The following ZNF704 variants were observed in gnomAD, a reference collection of about 807,000 sequenced individuals.
ZNF704 encodes glucocorticoid induced gene 1.
A neutral mutation model predicts 44.7 loss-of-function variants in ZNF704; 10 were observed. That is an observed-to-expected ratio of 0.22 (90% CI 0.14 to 0.38). The LOEUF is 0.38. Among genes scored for constraint, ZNF704 ranks in the 10% least tolerant of loss-of-function variants. ZNF704 has a pLI of 1.00. For missense variants in ZNF704, 390 were observed against 545.5 expected (o/e 0.71, Z 2.84); for synonymous variants, 211 against 207.6 (o/e 1.02, Z -0.14).
chr8:80,670,945 T>A (rs1194744465), intron 4 of ZNF704, among the ~76,000 whole-genome samples: 1 of 152,168 alleles, frequency 6.6e-6, no homozygotes, highest in Non-Finnish European at 1.5e-5. Flanking sequence ...TCTCCTTTAA[T>A]CCTAAAAGAC....
At chr8:80,803,075 T>C (rs1165869084) in intron 2 of ZNF704, among the ~76,000 whole-genome samples, 1 of 152,132 alleles carries the variant, frequency 6.6e-6, no homozygotes, top group East Asian at 1.9e-4. Flanking sequence ...AAATCATGAA[T>C]GAACTCTCAT....
intron 2 of ZNF704, among the ~76,000 whole-genome samples, chr8:80,759,260 A>T (rs1807088392): frequency 6.6e-6 from 1 of 150,560 alleles, no homozygotes; most frequent in African/African-American, 2.4e-5. Context: ...ATTATAGTTA[A>T]GCCTGAGCTT....
At chr8:80,873,652 G>T in intron 1 of ZNF704, 3 of 154,048 alleles carry the variant, frequency 1.9e-5, no homozygotes, top group South Asian at 4.0e-4. Context: ...CCACCTCGAC[G>T]ACCACCTCCT....
At chr8:80,648,867 A>G (rs1817871599) in intron 7 of ZNF704, among the ~76,000 whole-genome samples, 1 of 152,190 alleles carries the variant, frequency 6.6e-6, no homozygotes. Flanking sequence ...ACTTGAACAC[A>G]GCTGGCCTTG....
At chr8:80,698,870 CCTT>C (rs1169309500) in intron 2 of ZNF704, among the ~76,000 whole-genome samples, 1 of 152,164 alleles carries the variant, frequency 6.6e-6, no homozygotes, top group African/African-American at 2.4e-5. Context: ...GAAGCCTTTT[CCTT>C]CTTTTGAGCC....
chr8:80,855,113 G>A lies in ZNF704; in HGVS notation c.-22+19458C>T, dbSNP rs141314994. Among the ~76,000 whole-genome samples the A allele has an allele frequency of 6.5e-3, 993 of 152,172 alleles. 10 individuals are homozygous for A. The highest frequency in any genetic ancestry group is 0.022 in the African/African-American group (929 of 41,516). Reference sequence around the variant, plus strand: ...AAATTGAATGTTCCAAAAGAACCACGCCTTTCTTGTTCAATAGTATATCGT... The same window carrying A: ...AAATTGAATGTTCCAAAAGAACCACACCTTTCTTGTTCAATAGTATATCGT... On this transcript the variant is annotated intron_variant, in intron 1 of 8. Coordinates refer to ENST00000327835, the MANE Select transcript of ZNF704 (RefSeq NM_001033723.3).
intron 2 of ZNF704, among the ~76,000 whole-genome samples, chr8:80,712,926 G>C (rs1819010246): frequency 6.6e-6 from 1 of 151,464 alleles, no homozygotes; most frequent in African/African-American, 2.4e-5. Context: ...ACAGAATTTT[G>C]CTCTTGTTAC....
At position 80,756,216 on chromosome 8, in the gene ZNF704, T is replaced by C. The variant is rs1022331021; in HGVS notation, c.222-63109A>G. On this transcript the variant is annotated intron_variant, in intron 2 of 8. Coordinates refer to ENST00000327835, the MANE Select transcript of ZNF704 (RefSeq NM_001033723.3). ...TCTTTTAGATATCAAGACAGACATA[T>C]CCAAGAGCAGTATCTCACTCCCTCT... is the stretch of plus-strand genomic sequence containing the variant. Among the ~76,000 whole-genome samples, 3 of 152,190 alleles carry C rather than the reference T, an allele frequency of 2.0e-5. No homozygotes were observed. In the East Asian group the frequency reaches 5.8e-4, roughly 29 times the overall value.
Position 80,856,521 on chromosome 8 carries a change from A to G in ZNF704, c.-22+18050T>C, listed in dbSNP as rs554755192. On this transcript the variant is annotated intron_variant, in intron 1 of 8. Coordinates refer to ENST00000327835, the MANE Select transcript of ZNF704 (RefSeq NM_001033723.3). ...GCTTTTACATTTATATCTATGATCC[A>G]TTTTTAAATAATTTTTTTGTGTATG... Among the ~76,000 whole-genome samples the G allele has an allele frequency of 3.9e-5, 6 of 152,300 alleles. 1 individual carries two copies. The highest frequency in any genetic ancestry group is 1.4e-4 in the African/African-American group (6 of 41,560).
chr8:80,696,493 C>T (rs1818727036), intron 2 of ZNF704, among the ~76,000 whole-genome samples: 1 of 152,190 alleles, frequency 6.6e-6, no homozygotes, highest in African/African-American at 2.4e-5. Flanking sequence ...TCTTGCCTCA[C>T]TGCAACCTCC....
intron 2 of ZNF704, among the ~76,000 whole-genome samples, chr8:80,764,294 G>C (rs1358709298): frequency 6.6e-6 from 1 of 152,198 alleles, no homozygotes; most frequent in East Asian, 1.9e-4. Context: ...AGTTCCACAT[G>C]GCTGAGGAGG....
rs1009966749 is a variant in ZNF704 at position 80,630,510 on chromosome 8, T to C, written c.*10856A>G. 1.3e-5 allele frequency: 2 copies of C among 152,234 alleles called. No individual in the cohort carries two copies. Among genetic ancestry groups the C allele is most frequent in the Non-Finnish European group, 2.9e-5 (2 of 68,040 alleles). The allele number at this position is 152,234 out of a possible 1,614,324, so 9.4% of individuals were successfully genotyped here. A position where few individuals can be genotyped will look rare whatever the true frequency, so the allele number is the denominator to read the frequency against. On this transcript the variant is annotated 3_prime_UTR_variant, in exon 9 of 9. Coordinates refer to ENST00000327835, the MANE Select transcript of ZNF704 (RefSeq NM_001033723.3). ...TTTCATTTTAATATTTTAGATTTGG[T>C]GTAGAAAACAATTCAGAAGATGGCT...
At chr8:80,866,787 G>A (rs937279709) in intron 1 of ZNF704, among the ~76,000 whole-genome samples, 2 of 152,118 alleles carry the variant, frequency 1.3e-5, no homozygotes, top group African/African-American at 2.4e-5. Flanking sequence ...ACTCACATAG[G>A]GCTGTGGCTC....
chr8:80,698,110 G>A (rs904995774), intron 2 of ZNF704, among the ~76,000 whole-genome samples: 1 of 152,172 alleles, frequency 6.6e-6, no homozygotes, highest in South Asian at 2.1e-4. Flanking sequence ...CTCACTCTTG[G>A]AGCACTAGGG....
intron 2 of ZNF704, among the ~76,000 whole-genome samples, chr8:80,742,906 C>A (rs1351005280): frequency 1.3e-5 from 2 of 152,070 alleles, no homozygotes; most frequent in Non-Finnish European, 2.9e-5. Flanking sequence ...GACTAAGAAT[C>A]CCCAAGCCTA....
At chr8:80,854,147 T>C (rs949049249) in intron 1 of ZNF704, among the ~76,000 whole-genome samples, 4 of 152,196 alleles carry the variant, frequency 2.6e-5, no homozygotes, top group South Asian at 2.1e-4. Flanking sequence ...GTGTATGAAA[T>C]GATGGTAAAC....
At chr8:80,829,619 A>C (rs542038838) in intron 1 of ZNF704, among the ~76,000 whole-genome samples, 3 of 152,328 alleles carry the variant, frequency 2.0e-5, no homozygotes, top group African/African-American at 7.2e-5. Context: ...AGGAAAAAAA[A>C]ACCTGAAGCA....
At chr8:80,719,614 G>A (rs1819130193) in intron 2 of ZNF704, among the ~76,000 whole-genome samples, 1 of 152,202 alleles carries the variant, frequency 6.6e-6, no homozygotes, top group East Asian at 1.9e-4. Flanking sequence ...CATGTACTCA[G>A]AAGGGCTTCT....
Position 80,670,484 on chromosome 8 carries a change from G to A in ZNF704, c.659+19C>T. On this transcript the variant is annotated intron_variant, in intron 5 of 8. Transcript: ENST00000327835. Reference sequence around the variant, plus strand: ...CTGAGCAGATGGGGGCTGCATCCCTGAAGAGAGAGCTGCCTTACCCCAGAT... The same window carrying A: ...CTGAGCAGATGGGGGCTGCATCCCTAAAGAGAGAGCTGCCTTACCCCAGAT... 1 of 1,594,328 alleles carries A rather than the reference G, an allele frequency of 6.3e-7. No individual in the cohort carries two copies. Among genetic ancestry groups the A allele is most frequent in the East Asian group, 2.2e-5 (1 of 44,750 alleles).
Sources: gnomAD v4.1 joint callset for allele counts (sites outside exome capture counted in the v4.1 genomes callset) on GRCh38, gnomAD v4.1.1 for gene constraint, MANE v1.5 for transcripts, NCBI Gene and HGNC (gene_info 2026-07-23, HGNC 2026-07-21) for gene names.